PCDHGA9: variants seen among roughly 807,000 people sequenced by gnomAD.
The protein encoded by PCDHGA9 is protocadherin gamma subfamily A, 9.
Under a neutral mutation model 62.5 loss-of-function variants are expected in PCDHGA9, and 37 were observed. The ratio of observed to expected loss-of-function variants is 0.59; its 90% CI spans 0.46 to 0.78. The LOEUF (loss-of-function observed/expected upper bound fraction) is 0.78, where lower values mean the gene tolerates loss of function less well. PCDHGA9 is among the 30% of genes least tolerant of loss of function. The pLI is 0.00. For missense variants in PCDHGA9, 1,138 were observed against 1,166.2 expected, an observed-to-expected ratio of 0.98 and a Z score of 0.35; for synonymous variants, 459 against 484.6, an observed-to-expected ratio of 0.95 and a Z score of 0.69.
chr5:141,478,465 C>T (rs768021356), intron 1 of PCDHGA9: 6 of 1,613,730 alleles, frequency 3.7e-6, no homozygotes, highest in Non-Finnish European at 5.1e-6. Context: ...GTCCACTGGC[C>T]AGCCGCCAGA....
chr5:141,450,842 T>TTTTTA, intron 1 of PCDHGA9, among the ~76,000 whole-genome samples: 1 of 148,196 alleles, frequency 6.7e-6, no homozygotes, highest in African/African-American at 2.5e-5. Context: ...TTTTTTTTTT[T>TTTTTA]GAGATGGGGT....
chr5:141,420,993 C>T (rs956578377), intron 1 of PCDHGA9: 2 of 501,412 alleles, frequency 4.0e-6, no homozygotes, highest in Non-Finnish European at 7.0e-6. Context: ...GGCGCCGCTG[C>T]TCACCAATCA....
intron 1 of PCDHGA9, chr5:141,418,974 G>C (rs754074516): frequency 1.0e-4 from 167 of 1,613,818 alleles, no homozygotes; most frequent in Non-Finnish European, 1.4e-4. Flanking sequence ...TTCAAAACAC[G>C]GGACCAAGAC....
intron 1 of PCDHGA9, chr5:141,420,103 G>C (rs754672450): frequency 4.3e-6 from 7 of 1,613,990 alleles, no homozygotes; most frequent in Non-Finnish European, 2.5e-6. Context: ...AGGGAACGTT[G>C]CCCTATGCCT....
chr5:141,443,733 C>T (rs7723254), intron 1 of PCDHGA9, among the ~76,000 whole-genome samples: 16,856 of 152,062 alleles, frequency 0.11, 1,109 homozygotes, highest in African/African-American at 0.17. Context: ...TCATACATTT[C>T]CCTATCAGTG....
Position 141,485,731 on chromosome 5 carries a change from C to T in PCDHGA9, c.2425-9076C>T, listed in dbSNP as rs1440070106. The T allele has an allele frequency of 1.9e-6, 3 of 1,614,036 alleles. No individual in the cohort carries two copies. The highest frequency in any genetic ancestry group is 2.2e-5 in the South Asian group (2 of 91,080). On this transcript the variant is annotated intron_variant, in intron 1 of 3. Transcript: ENST00000573521. This position sits in a 1 kb window ranked among gnomAD's most constrained non-coding sequence, Gnocchi z 5.7. ...TTGCACTGGATGTGAAGAAGCGCAG[C>T]GACGGCAGCCTGGTCCCAGAGCTGC...
At chr5:141,408,392 C>G in intron 1 of PCDHGA9, 1 of 1,614,002 alleles carries the variant, frequency 6.2e-7, no homozygotes, top group South Asian at 1.1e-5. Context: ...TGTGTCGGCT[C>G]GCAAGCTGCG....
intron 1 of PCDHGA9, among the ~76,000 whole-genome samples, chr5:141,424,889 G>A (rs1173725674): frequency 6.6e-6 from 1 of 152,090 alleles, no homozygotes; most frequent in Non-Finnish European, 1.5e-5. Flanking sequence ...ACTTATCTAG[G>A]GTTTTTGATC....
chr5:141,435,990 T>C (rs1175877769), intron 1 of PCDHGA9, among the ~76,000 whole-genome samples: 1 of 152,162 alleles, frequency 6.6e-6, no homozygotes, highest in Non-Finnish European at 1.5e-5. Flanking sequence ...TTGTGTGATT[T>C]TTTGAAAGAA....
intron 1 of PCDHGA9, among the ~76,000 whole-genome samples, chr5:141,435,412 T>C (rs2097761991): frequency 6.6e-6 from 1 of 152,222 alleles, no homozygotes; most frequent in Non-Finnish European, 1.5e-5. Flanking sequence ...TGGTAAAGAC[T>C]ATTTTTCACT....
At chr5:141,423,529 C>T in intron 1 of PCDHGA9, 1 of 1,613,754 alleles carries the variant, frequency 6.2e-7, no homozygotes, top group South Asian at 1.1e-5. Flanking sequence ...GCAGAAGAGT[C>T]ACCTGATTTT....
intron 1 of PCDHGA9, chr5:141,414,483 A>T (rs756254490): frequency 5.6e-6 from 9 of 1,613,826 alleles, no homozygotes; most frequent in Non-Finnish European, 6.8e-6. Flanking sequence ...GTCCTCCTCT[A>T]TCAACGGAAG....
intron 1 of PCDHGA9, 39 bp downstream of exon 1, chr5:141,405,415 G>GT (rs757320616): frequency 1.9e-6 from 3 of 1,559,568 alleles, no homozygotes; most frequent in South Asian, 2.3e-5. Context: ...TTCTTTTTTT[G>GT]TTTTTTGTTT....
intron 1 of PCDHGA9, among the ~76,000 whole-genome samples, chr5:141,436,010 A>G (rs1188507054): frequency 6.6e-6 from 1 of 152,168 alleles, no homozygotes; most frequent in Non-Finnish European, 1.5e-5. Context: ...AAGTATTTGA[A>G]TTTATCTAAA....
rs1458009956 is a variant in PCDHGA9, at chr5:141,403,182, T to G, written c.230T>G (p.Leu77Arg). 1 of 1,613,858 alleles carries G rather than the reference T, an allele frequency of 6.2e-7. No homozygotes were observed. Among genetic ancestry groups the G allele is most frequent in the Non-Finnish European group, 8.5e-7 (1 of 1,179,926 alleles). ...AGAGGTAGGACGCAGCTTTTCTCTC[T>G]GAACCCGCGCAGCGGCACCTTGGTC... ...VSRGRTQLFS[L>R]NPRSGTLVTA... The change falls in exon 1 of 4, where the codon CTG becomes CGG. Residue 77 changes from leucine to arginine, a missense_variant. Physicochemically the swap from Leu to Arg is moderately radical, Grantham distance 102. Coordinates refer to ENST00000573521, the MANE Select transcript of PCDHGA9 (RefSeq NM_018921.3).
At chr5:141,438,621 T>C (rs1164140266) in intron 1 of PCDHGA9, among the ~76,000 whole-genome samples, 4 of 41,368 alleles carry the variant, frequency 9.7e-5, no homozygotes, top group Admixed American at 3.5e-4. Flanking sequence ...TATATATATA[T>C]ATATATATAT....
In PCDHGA9 at chr5:141,418,416, C is replaced by G. The variant is rs377542164; in HGVS notation, c.2424+13040C>G. The G allele has an allele frequency of 2.9e-5, 46 of 1,613,866 alleles. No homozygotes were observed. Among genetic ancestry groups the G allele is most frequent in the Non-Finnish European group, 3.4e-5 (40 of 1,179,880 alleles). ...TTCTCATTGGTGGAGAAAGACAATC[C>G]TGATGGTGGCAAATATCCAGAATTA... On this transcript the variant is annotated intron_variant, in intron 1 of 3. Transcript: ENST00000573521.
chr5:141,494,948 G>C (rs909146), intron 2 of PCDHGA9, 83 bp downstream of exon 2: 1 of 1,608,226 alleles, frequency 6.2e-7, no homozygotes, highest in South Asian at 1.1e-5. Flanking sequence ...GGAGGGCCCA[G>C]CATTTGCTAC....
intron 1 of PCDHGA9, chr5:141,418,573 C>T (rs749104686): frequency 6.2e-7 from 1 of 1,613,944 alleles, no homozygotes; most frequent in Non-Finnish European, 8.5e-7. Flanking sequence ...CCAATGACAA[C>T]CCCCCAGTGT....
Sources: allele counts gnomAD v4.1 joint callset (sites outside exome capture counted in the v4.1 genomes callset), GRCh38; gene constraint gnomAD v4.1.1; non-coding constraint Gnocchi (gnomAD v3.1); transcripts MANE v1.5; gene names NCBI Gene and HGNC (gene_info 2026-07-23, HGNC 2026-07-21).